Variants in MRPS21 observed in about 807,000 individuals in gnomAD.
The protein encoded by MRPS21 is mitochondrial ribosomal protein S21, also known as small ribosomal subunit protein bS21m.
A neutral mutation model predicts 9.9 loss-of-function variants in MRPS21; 8 were observed. The observed-to-expected ratio is 0.81, with a 90% CI of 0.47 to 1.45. The LOEUF (loss-of-function observed/expected upper bound fraction) is 1.45. Ranked by LOEUF, MRPS21 falls within the 40% of genes most tolerant of loss-of-function variation. MRPS21 has a pLI of 0.00. For synonymous variants in MRPS21, 40 were observed against 40.3 expected (o/e 0.99, Z 0.03); for missense variants, 101 against 118.9 (o/e 0.85, Z 0.70).
intron 2 of MRPS21, among the ~76,000 whole-genome samples, chr1:150,297,010 A>G (rs1442516233): frequency 1.3e-5 from 2 of 152,126 alleles, no homozygotes; most frequent in African/African-American, 4.8e-5. Context: ...AAATGCTGTC[A>G]GCCGGGCGCG....
At chr1:150,302,840 A>G (rs1654196365) in intron 2 of MRPS21, among the ~76,000 whole-genome samples, 1 of 152,126 alleles carries the variant, frequency 6.6e-6, no homozygotes, top group South Asian at 2.1e-4. Flanking sequence ...ATTTGAAGAT[A>G]ATCTGTGCCT....
intron 2 of MRPS21, among the ~76,000 whole-genome samples, chr1:150,305,424 C>A (rs1654294050): frequency 6.6e-6 from 1 of 151,918 alleles, no homozygotes; most frequent in Non-Finnish European, 1.5e-5. Flanking sequence ...GATGTGATAA[C>A]AATTGATTTG....
At chr1:150,301,330 C>T (rs1191664922) in intron 2 of MRPS21, 7 of 240,162 alleles carry the variant, frequency 2.9e-5, no homozygotes, top group African/African-American at 1.6e-4. Flanking sequence ...AGCGAGACTT[C>T]GTCTCAAAAG....
chr1:150,294,291 G>T, intron 1 of MRPS21, 44 bp from the exon 2 acceptor site: 3 of 1,358,866 alleles, frequency 2.2e-6, no homozygotes, highest in Middle Eastern at 2.6e-4. Context: ...ATTATGTTGC[G>T]TTTCTCTTTC....
At chr1:150,296,967 A>G (rs1249878341) in intron 2 of MRPS21, among the ~76,000 whole-genome samples, 1 of 152,156 alleles carries the variant, frequency 6.6e-6, no homozygotes, top group Non-Finnish European at 1.5e-5. Context: ...TAGGTGTGGA[A>G]GGCTGGATGG....
chr1:150,295,694 T>G (rs781875232), intron 2 of MRPS21, among the ~76,000 whole-genome samples: 3 of 152,060 alleles, frequency 2.0e-5, no homozygotes, highest in Non-Finnish European at 4.4e-5. Context: ...CCTAGCACTT[T>G]GGGAAGCCTA....
At chr1:150,297,147 C>T (rs1057105808) in intron 2 of MRPS21, among the ~76,000 whole-genome samples, 1 of 151,980 alleles carries the variant, frequency 6.6e-6, no homozygotes, top group South Asian at 2.1e-4. Context: ...AAAGATTAGC[C>T]GGGCGTGGTG....
Position 150,308,287 on chromosome 1 carries a change from T to C in MRPS21, c.*59T>C, listed in dbSNP as rs1374605328. 5.9e-6 allele frequency: 9 copies of C among 1,515,162 alleles called. No homozygotes were observed. The highest frequency in any genetic ancestry group is 8.1e-6 in the Non-Finnish European group (9 of 1,111,054). The allele number at this position is 1,515,162 out of a possible 1,614,324, so 93.9% of individuals were successfully genotyped here. ...CATCCAGTTTTCTCTCCATCTCTTTTCTTTGTACAATCCCATTTCCTATTA... is the reference window on the plus strand; with the variant it reads ...CATCCAGTTTTCTCTCCATCTCTTTCCTTTGTACAATCCCATTTCCTATTA... On this transcript the variant is annotated 3_prime_UTR_variant, in exon 3 of 3. Transcript: ENST00000614145.
Position 150,308,066 on chromosome 1 carries a change from G to C in MRPS21, c.102G>C (p.Gly34=). The C allele has an allele frequency of 6.3e-7, 1 of 1,589,948 alleles. No homozygotes were observed. Among genetic ancestry groups the C allele is most frequent in the South Asian group, 1.1e-5 (1 of 90,408 alleles). Residue 34 remains glycine, a synonymous_variant, in exon 3 of 3, where the codon GGG becomes GGC. Coordinates refer to ENST00000614145, the MANE Select transcript of MRPS21 (RefSeq NM_031901.6). ...TATACAGAATCCTCACTATGGATGG[G>C]CTCATTGAGGACATTAAGCATCGGC... The part of the protein sequence containing the change: ...RTLNRILTMD[G]LIEDIKHRRY...
intron 2 of MRPS21, among the ~76,000 whole-genome samples, chr1:150,294,971 C>T (rs1653862404): frequency 1.3e-5 from 2 of 151,134 alleles, no homozygotes; most frequent in Admixed American, 1.3e-4. Flanking sequence ...CCCCCCGCAC[C>T]TCCCCGCTTT....
chr1:150,299,894 A>C (rs1654054704), intron 2 of MRPS21, among the ~76,000 whole-genome samples: 1 of 152,080 alleles, frequency 6.6e-6, no homozygotes, highest in African/African-American at 2.4e-5. Flanking sequence ...GCTGCCTATT[A>C]GGATCACCTA....
chr1:150,295,448 C>T (rs1294642163), intron 2 of MRPS21, among the ~76,000 whole-genome samples: 4 of 152,046 alleles, frequency 2.6e-5, no homozygotes, highest in Admixed American at 6.6e-5. Context: ...GTTGCCCAAG[C>T]GTAATGACTC....
chr1:150,302,311 A>G (rs1449379453), intron 2 of MRPS21, among the ~76,000 whole-genome samples: 3 of 152,084 alleles, frequency 2.0e-5, no homozygotes, highest in Non-Finnish European at 4.4e-5. Flanking sequence ...CCTGTTATAT[A>G]ACTGGGGGCC....
intron 2 of MRPS21, chr1:150,305,116 A>T (rs1553858343): frequency 4.1e-6 from 1 of 245,758 alleles, no homozygotes; most frequent in African/African-American, 2.4e-5. Context: ...TGCAGTCTCA[A>T]CCTCCTGGGA....
At chr1:150,303,875 A>G (rs2101909795) in intron 2 of MRPS21, 1 of 455,890 alleles carries the variant, frequency 2.2e-6, no homozygotes. Flanking sequence ...CATCTAGAGG[A>G]CTCATTTTTG....
At chr1:150,296,538 C>G (rs1653921649) in intron 2 of MRPS21, among the ~76,000 whole-genome samples, 1 of 152,066 alleles carries the variant, frequency 6.6e-6, no homozygotes, top group African/African-American at 2.4e-5. Flanking sequence ...TGTGAATAAC[C>G]ACTCCACTCT....
intron 2 of MRPS21, among the ~76,000 whole-genome samples, chr1:150,298,572 AC>A (rs1553856998): frequency 1.3e-5 from 2 of 152,182 alleles, no homozygotes; most frequent in African/African-American, 4.8e-5. Context: ...TTGACAAAAA[AC>A]AACAAAATTT....
At chr1:150,302,602 C>T (rs1158789004) in intron 2 of MRPS21, among the ~76,000 whole-genome samples, 1 of 152,196 alleles carries the variant, frequency 6.6e-6, no homozygotes, top group African/African-American at 2.4e-5. Context: ...TTCACTAAAA[C>T]TGGCAGCTGG....
In MRPS21 at chr1:150,308,677, C is replaced by CAA. The variant is rs71578481; in HGVS notation, c.*457_*458dup. On this transcript the variant is annotated 3_prime_UTR_variant, in exon 3 of 3. Coordinates refer to ENST00000614145, the MANE Select transcript of MRPS21 (RefSeq NM_031901.6). ...TGAAACCCCATCTCTACTAAAAATA[C>CAA]AAAAAAAAATTGGCCGGGCGTGGTG... The CAA allele has an allele frequency of 4.3e-4, 65 of 150,514 alleles. No homozygotes were observed. The highest frequency in any genetic ancestry group is 1.7e-3 in the Admixed American group (25 of 15,144). The allele number at this position is 150,514 out of a possible 1,614,324, so 9.3% of individuals were successfully genotyped here.
Sources: allele counts gnomAD v4.1 joint callset (sites outside exome capture counted in the v4.1 genomes callset), GRCh38; gene constraint gnomAD v4.1.1; transcripts MANE v1.5; gene names NCBI Gene and HGNC (gene_info 2026-07-23, HGNC 2026-07-21).